The following KCNQ5 variants were observed in gnomAD, a reference collection of about 807,000 sequenced individuals.
The protein encoded by KCNQ5 is potassium voltage-gated channel subfamily KQT member 5.
In KCNQ5, 30 loss-of-function variants were observed where a neutral mutation model predicts 98.2. The observed-to-expected ratio is 0.31, with a 90% CI of 0.23 to 0.41. KCNQ5 has a LOEUF of 0.41. KCNQ5 is among the 10% of genes least tolerant of loss of function. The probability of loss-of-function intolerance (pLI) is 1.00; values close to 1 mark genes in which losing one functional copy is unlikely to be tolerated. For synonymous variants in KCNQ5, 458 were observed against 449.4 expected, an observed-to-expected ratio of 1.02 and a Z score of -0.24; for missense variants, 835 against 1,182.5, an observed-to-expected ratio of 0.71 and a Z score of 4.31.
intron 1 of KCNQ5, among the ~76,000 whole-genome samples, chr6:72,676,634 T>G (rs1452399117): frequency 6.7e-6 from 1 of 149,962 alleles, no homozygotes; most frequent in East Asian, 1.9e-4. Context: ...TTGTCGTGGT[T>G]GCATTAATTG....
intron 1 of KCNQ5, among the ~76,000 whole-genome samples, chr6:72,731,715 CT>C (rs1770563244): frequency 6.6e-6 from 1 of 152,228 alleles, no homozygotes; most frequent in African/African-American, 2.4e-5. Flanking sequence ...CACTCTGTCA[CT>C]CATCTCCTCC....
chr6:73,183,191 GC>G (rs1778460063), intron 11 of KCNQ5, among the ~76,000 whole-genome samples: 1 of 152,160 alleles, frequency 6.6e-6, no homozygotes, highest in African/African-American at 2.4e-5. Flanking sequence ...TTACAAGGTT[GC>G]CTGCCTGGGA....
chr6:72,767,976 A>C (rs1190171910), intron 1 of KCNQ5, among the ~76,000 whole-genome samples: 2 of 152,102 alleles, frequency 1.3e-5, no homozygotes, highest in East Asian at 3.9e-4. Context: ...ATGACCCAGC[A>C]ATTCCACTAA....
chr6:72,888,978 A>G (rs547419339), intron 1 of KCNQ5, among the ~76,000 whole-genome samples: 2 of 152,286 alleles, frequency 1.3e-5, no homozygotes, highest in South Asian at 4.1e-4. Context: ...GTATATGTAT[A>G]GGAAGATACA....
In KCNQ5 at chr6:72,967,156, A is replaced by G. The variant is rs569559846; in HGVS notation, c.399-36752A>G. Among the ~76,000 whole-genome samples, 12 of 152,336 alleles carry G rather than the reference A, an allele frequency of 7.9e-5. No homozygotes were observed. In the South Asian group the frequency reaches 2.5e-3, roughly 32 times the overall value. ...CCTCACACACAGGAAATGAACTTCCATAAATTTAATGATATGACTCTTAGG... is the reference window on the plus strand; with the variant it reads ...CCTCACACACAGGAAATGAACTTCCGTAAATTTAATGATATGACTCTTAGG... On this transcript the variant is annotated intron_variant, in intron 1 of 13. Transcript: ENST00000370398.
rs550899684 is a variant in KCNQ5, at chr6:72,981,794, T to C, written c.399-22114T>C. On this transcript the variant is annotated intron_variant, in intron 1 of 13. Coordinates refer to ENST00000370398, the MANE Select transcript of KCNQ5 (RefSeq NM_019842.4). Reference sequence around the variant, plus strand: ...CTTTCCTGCTTTCTCTTGTGGGCATTTAGTGCTATAAATTTCCCTCTACAC... The same window carrying C: ...CTTTCCTGCTTTCTCTTGTGGGCATCTAGTGCTATAAATTTCCCTCTACAC... 2.0e-5 allele frequency among the ~76,000 whole-genome samples: 3 copies of C among 152,338 alleles called. No individual in the cohort carries two copies. In the South Asian group the frequency reaches 6.2e-4, roughly 32 times the overall value.
At chr6:72,749,050 G>A (rs1771549317) in intron 1 of KCNQ5, among the ~76,000 whole-genome samples, 1 of 152,122 alleles carries the variant, frequency 6.6e-6, no homozygotes, top group South Asian at 2.1e-4. Flanking sequence ...AATGAGGGGA[G>A]TTAACTCTTG....
chr6:73,035,311 T>C (rs112432060), intron 2 of KCNQ5, among the ~76,000 whole-genome samples: 2,677 of 152,318 alleles, frequency 0.018, 94 homozygotes, highest in African/African-American at 0.061. Context: ...TGTAAAGAGT[T>C]ATCCAAGCCA....
At chr6:73,153,176 CTTG>C (rs936801623) in intron 10 of KCNQ5, among the ~76,000 whole-genome samples, 2 of 152,192 alleles carry the variant, frequency 1.3e-5, no homozygotes, top group African/African-American at 4.8e-5. Flanking sequence ...AAGTGTAAAT[CTTG>C]TTGTTCTTAG....
chr6:72,743,120 A>AT (rs1039830666), intron 1 of KCNQ5, among the ~76,000 whole-genome samples: 27 of 152,172 alleles, frequency 1.8e-4, no homozygotes, highest in African/African-American at 6.5e-4. Context: ...TTTTAGGTGT[A>AT]TTTTGAGCTA....
intron 12 of KCNQ5, 28 bp from the exon 13 acceptor site, chr6:73,192,537 A>G (rs1765628115): frequency 6.3e-7 from 1 of 1,587,240 alleles, no homozygotes; most frequent in Admixed American, 1.8e-5. Flanking sequence ...TTCAGCCCTC[A>G]TAATCAGATC....
intron 1 of KCNQ5, among the ~76,000 whole-genome samples, chr6:72,700,672 C>T (rs1768756999): frequency 6.6e-6 from 1 of 152,198 alleles, no homozygotes; most frequent in South Asian, 2.1e-4. Context: ...AACCCATTCA[C>T]TCCGCCATGA....
intron 1 of KCNQ5, among the ~76,000 whole-genome samples, chr6:72,935,703 G>A (rs1262765829): frequency 2.0e-5 from 3 of 152,000 alleles, no homozygotes; most frequent in Non-Finnish European, 4.4e-5. Flanking sequence ...CCTCTCAAAG[G>A]GACGGTCTCC....
At chr6:72,744,037 C>CATAATCACCAGGTCAGGGAAAAG (rs1433416666) in intron 1 of KCNQ5, among the ~76,000 whole-genome samples, 5 of 152,136 alleles carry the variant, frequency 3.3e-5, no homozygotes, top group Non-Finnish European at 1.5e-5. Flanking sequence ...CATGTGTTTT[C>CATAATCACCAGGTCAGGGAAAAG]ATAATCACCA....
intron 1 of KCNQ5, among the ~76,000 whole-genome samples, chr6:72,873,234 T>A (rs914806020): frequency 5.9e-5 from 9 of 152,132 alleles, no homozygotes; most frequent in Non-Finnish European, 7.4e-5. Flanking sequence ...AATGTACCAA[T>A]TGAATATGAT....
intron 1 of KCNQ5, among the ~76,000 whole-genome samples, chr6:72,966,917 T>C (rs1356165528): frequency 1.3e-5 from 2 of 152,210 alleles, no homozygotes; most frequent in African/African-American, 4.8e-5. Context: ...CTGTTGTTTC[T>C]GGAGGGAGTT....
At chr6:72,850,824 C>T (rs1377207013) in intron 1 of KCNQ5, among the ~76,000 whole-genome samples, 1 of 152,098 alleles carries the variant, frequency 6.6e-6, no homozygotes, top group African/African-American at 2.4e-5. Context: ...GATATGATGA[C>T]CAAATTATAT....
intron 3 of KCNQ5, among the ~76,000 whole-genome samples, chr6:73,046,601 T>TTATTC (rs1174898368): frequency 1.6e-4 from 18 of 113,724 alleles, no homozygotes; most frequent in Non-Finnish European, 2.7e-4. Flanking sequence ...TTACTTTACT[T>TTATTC]TATTTTATTC....
At chr6:72,843,760 C>G (rs1271241046) in intron 1 of KCNQ5, among the ~76,000 whole-genome samples, 1 of 152,118 alleles carries the variant, frequency 6.6e-6, no homozygotes, top group Non-Finnish European at 1.5e-5. Flanking sequence ...CAGCACTGTT[C>G]ACAATAGCAA....
Sources: gnomAD v4.1 joint callset for allele counts (sites outside exome capture counted in the v4.1 genomes callset) on GRCh38, gnomAD v4.1.1 for gene constraint, MANE v1.5 for transcripts, NCBI Gene and HGNC (gene_info 2026-07-23, HGNC 2026-07-21) for gene names.